Variants in NF1 observed in about 807,000 individuals in gnomAD.
NF1 encodes neurofibromin 1.
Under a neutral mutation model 325.7 loss-of-function variants are expected in NF1, and 122 were observed. That is an observed-to-expected ratio of 0.37 (90% confidence interval 0.32 to 0.44). The LOEUF is 0.44. NF1 is among the 20% of genes least tolerant of loss of function. The pLI is 1.00. For synonymous variants in NF1, 1,091 were observed against 1,186.0 expected (o/e 0.92, Z 1.65); for missense variants, 2,140 against 3,415.4 (o/e 0.63, Z 9.31).
intron 2 of NF1, among the ~76,000 whole-genome samples, chr17:31,158,077 A>G (rs17879012): frequency 1.4e-4 from 21 of 151,462 alleles, no homozygotes; most frequent in Admixed American, 1.3e-4. Context: ...ACAAATCTCT[A>G]CCCACCCCGA....
chr17:31,178,894 A>G (rs2066074021), intron 5 of NF1, among the ~76,000 whole-genome samples: 1 of 152,188 alleles, frequency 6.6e-6, no homozygotes, highest in Admixed American at 6.5e-5. Context: ...AAAGAGACTT[A>G]GACTCCCACA....
intron 1 of NF1, among the ~76,000 whole-genome samples, chr17:31,104,257 G>A (rs891494954): frequency 4.6e-5 from 7 of 151,990 alleles, no homozygotes; most frequent in African/African-American, 1.7e-4. Context: ...CTATATTGTT[G>A]CATTCTAACG....
chr17:31,306,390 T>TTA (rs1249757725), intron 36 of NF1, among the ~76,000 whole-genome samples: 1 of 152,094 alleles, frequency 6.6e-6, no homozygotes, highest in African/African-American at 2.4e-5. Flanking sequence ...TTTCCATATT[T>TTA]TATATATATA....
chr17:31,358,727 A>G, intron 55 of NF1, 105 bp downstream of exon 55: 1 of 1,458,596 alleles, frequency 6.9e-7, no homozygotes, highest in East Asian at 2.3e-5. Flanking sequence ...AGACTTGTTC[A>G]TACTTTTATT....
intron 36 of NF1, among the ~76,000 whole-genome samples, chr17:31,316,773 G>A (rs537018032): frequency 1.2e-3 from 178 of 152,152 alleles, no homozygotes; most frequent in Admixed American, 1.9e-3. Flanking sequence ...ACTTTATCTG[G>A]AATAATATTG....
At position 31,356,435 on chromosome 17, in the gene NF1, G is replaced by A. The variant is rs765504518; in HGVS notation, c.7616-25G>A. ...TATAGACACTGTAGTTAATGAACTT[G>A]CATATTCTTAACTTTTGTTTATAGG... On this transcript the variant is annotated intron_variant, in intron 51 of 57. Transcript: ENST00000358273. 2.5e-6 allele frequency: 4 copies of A among 1,607,492 alleles called. No homozygotes were observed. In the African/African-American group the frequency reaches 4.0e-5, roughly 16 times the overall value.
intron 4 of NF1, among the ~76,000 whole-genome samples, chr17:31,165,709 A>T (rs1245975503): frequency 6.6e-6 from 1 of 152,000 alleles, no homozygotes; most frequent in Admixed American, 6.5e-5. Context: ...TATGTTTTTG[A>T]GACACAGTCT....
At position 31,230,879 on chromosome 17, in the gene NF1, G is replaced by A; in HGVS notation, c.3151G>A (p.Gly1051Arg). The change falls in exon 24 of 58, where the codon GGA (glycine) becomes AGA (arginine). Residue 1051 changes from glycine (G) to arginine (R), a missense_variant. Gly to Arg is a moderately radical substitution (Grantham distance 125, BLOSUM62 -2). Coordinates refer to ENST00000358273, the MANE Select transcript of NF1 (RefSeq NM_001042492.3). Reference sequence around the variant, plus strand: ...AGAATACCTGACAGACTGGGTTATGGGAACATCAAACCAAGCAGCAGATGA... The same window carrying A: ...AGAATACCTGACAGACTGGGTTATGAGAACATCAAACCAAGCAGCAGATGA... The part of the protein sequence containing the change: ...MVEYLTDWVM[G>R]TSNQAADDDV... 1 of 1,611,084 alleles carries A rather than the reference G, an allele frequency of 6.2e-7. No individual in the cohort carries two copies. The highest frequency in any genetic ancestry group is 8.5e-7 in the Non-Finnish European group (1 of 1,178,484).
At chr17:31,210,593 CAAAAACA>C (rs1303611648) in intron 12 of NF1, among the ~76,000 whole-genome samples, 1 of 151,964 alleles carries the variant, frequency 6.6e-6, no homozygotes, top group African/African-American at 2.4e-5. Context: ...CTCAAAGAAA[CAAAAACA>C]AAAAACAAAA....
At chr17:31,251,038 TG>T (rs2067485028) in intron 30 of NF1, 1 of 195,304 alleles carries the variant, frequency 5.1e-6, no homozygotes, top group East Asian at 8.1e-5. Context: ...AATTAGTAAC[TG>T]GTAACAGGGA....
chr17:31,122,012 A>G (rs1272004519), intron 1 of NF1, among the ~76,000 whole-genome samples: 1 of 152,202 alleles, frequency 6.6e-6, no homozygotes, highest in African/African-American at 2.4e-5. Flanking sequence ...TGTTGAATGA[A>G]TGAAAGAATT....
At chr17:31,288,470 G>T (rs1248919185) in intron 36 of NF1, among the ~76,000 whole-genome samples, 2 of 150,200 alleles carry the variant, frequency 1.3e-5, no homozygotes, top group African/African-American at 4.9e-5. Context: ...CCTTTCTCTA[G>T]AATTGTTCCA....
At chr17:31,367,172 T>A (rs1480689692) in intron 57 of NF1, 2 of 1,133,584 alleles carry the variant, frequency 1.8e-6, no homozygotes, top group East Asian at 5.7e-5. Context: ...CACCCTTTTT[T>A]AAATCTTATG....
At chr17:31,159,301 T>C (rs1260732489) in intron 3 of NF1, among the ~76,000 whole-genome samples, 1 of 152,196 alleles carries the variant, frequency 6.6e-6, no homozygotes, top group African/African-American at 2.4e-5. Flanking sequence ...TAAACAGATA[T>C]TAAGTTTACT....
chr17:31,167,822 G>T (rs2065869922), intron 4 of NF1, among the ~76,000 whole-genome samples: 1 of 152,144 alleles, frequency 6.6e-6, no homozygotes, highest in African/African-American at 2.4e-5. Context: ...TTCTACGTTT[G>T]TGATAACTTC....
chr17:31,095,364 G>T lies in NF1; in HGVS notation c.55G>T (p.Glu19Ter), dbSNP rs786203307. 6.5e-7 allele frequency: 1 copy of T among 1,539,922 alleles called. No homozygotes were observed. The highest frequency in any genetic ancestry group is 1.2e-5 in the South Asian group (1 of 83,926). The change falls in exon 1 of 58, where the codon GAG becomes TAG. Residue 19 changes from glutamate (E) to a stop codon, truncating the protein, a stop_gained. Coordinates refer to ENST00000358273, the MANE Select transcript of NF1 (RefSeq NM_001042492.3). LOFTEE classifies it high-confidence loss of function. ...WVQAVVSRFD[E>*]QLPIKTGQQN... ...CCAGGCCGTGGTCAGCCGCTTCGAC[G>T]AGCAGGTAACCGGCCCGTGGCGGGC... is the stretch of plus-strand genomic sequence containing the variant.
At chr17:31,116,951 A>G (rs891714734) in intron 1 of NF1, among the ~76,000 whole-genome samples, 1 of 150,824 alleles carries the variant, frequency 6.6e-6, no homozygotes, top group Non-Finnish European at 1.5e-5. Context: ...TGCTAGGGTT[A>G]CAGGCATGAG....
intron 6 of NF1, 88 bp downstream of exon 6, chr17:31,181,577 G>A: frequency 1.5e-6 from 2 of 1,369,390 alleles, no homozygotes; most frequent in South Asian, 2.3e-5. Flanking sequence ...GTTATGACTT[G>A]AGTGATAGTT....
chr17:31,327,067 C>G (rs985662611), intron 37 of NF1, among the ~76,000 whole-genome samples: 3 of 151,938 alleles, frequency 2.0e-5, no homozygotes, highest in Non-Finnish European at 4.4e-5. Flanking sequence ...CTCCCAGGTT[C>G]AAGCGATTCT....
Sources: gnomAD v4.1 joint callset for allele counts (sites outside exome capture counted in the v4.1 genomes callset) on GRCh38, gnomAD v4.1.1 for gene constraint, MANE v1.5 for transcripts, NCBI Gene and HGNC (gene_info 2026-07-23, HGNC 2026-07-21) for gene names.